C15orf40: variants seen among roughly 807,000 people sequenced by gnomAD.
The protein encoded by C15orf40 is chromosome 15 open reading frame 40, also known as UPF0235 protein C15orf40.
C15orf40 carries 9 observed loss-of-function variants against 13.9 expected under a neutral mutation model. The observed-to-expected ratio is 0.65, with a 90% CI of 0.39 to 1.13. C15orf40 has a LOEUF of 1.13. C15orf40 is among the 50% of genes most tolerant of loss of function. C15orf40 has a pLI of 0.01. For synonymous variants in C15orf40, 95 were observed against 69.2 expected, an observed-to-expected ratio of 1.37 and a Z score of -1.85; for missense variants, 225 against 188.5, an observed-to-expected ratio of 1.19 and a Z score of -1.13.
intron 3 of C15orf40, among the ~76,000 whole-genome samples, chr15:83,006,955 G>A (rs1003856913): frequency 6.6e-6 from 1 of 152,182 alleles, no homozygotes; most frequent in Non-Finnish European, 1.5e-5. Flanking sequence ...GCATTCAAAT[G>A]GATTTTTAGG....
chr15:83,009,125 T>C (rs2151291852), intron 2 of C15orf40, among the ~76,000 whole-genome samples: 1 of 152,336 alleles, frequency 6.6e-6, no homozygotes, highest in East Asian at 1.9e-4. Context: ...CGGACTAGGT[T>C]CACCTCTTAT....
downstream of C15orf40, chr15:82,991,824 G>A: frequency 8.4e-7 from 1 of 1,195,982 alleles, no homozygotes; most frequent in South Asian, 1.3e-5. Context: ...AGCCAGTGCT[G>A]TTATATAAAG....
chr15:83,009,797 C>A (rs1043142480), intron 2 of C15orf40, among the ~76,000 whole-genome samples: 5 of 152,194 alleles, frequency 3.3e-5, no homozygotes, highest in Non-Finnish European at 5.9e-5. Context: ...ATGTTTTATA[C>A]TGTTTTGATT....
At chr15:83,010,438 C>T in intron 1 of C15orf40, 75 bp from the exon 2 acceptor site, 1 of 1,549,616 alleles carries the variant, frequency 6.5e-7, no homozygotes, top group Admixed American at 1.7e-5. Context: ...TTCCACTACC[C>T]CCTTTCACCC....
At chr15:82,990,971 T>C (rs1350929262), downstream of C15orf40, 1 of 226,292 alleles carries the variant, frequency 4.4e-6, no homozygotes, top group East Asian at 8.7e-5. Flanking sequence ...TTCACAGAGA[T>C]CATTCTATTT....
chr15:82,993,205 TAATC>T (rs1271362815), downstream of C15orf40, among the ~76,000 whole-genome samples: 1 of 152,062 alleles, frequency 6.6e-6, no homozygotes, highest in Non-Finnish European at 1.5e-5. Flanking sequence ...TAAAAATAAA[TAATC>T]AAAGGAAGAA....
rs758473308 is a variant in C15orf40 at position 83,011,546 on chromosome 15, G to A, written c.62C>T (p.Ala21Val). The stretch of plus-strand genomic sequence containing the variant: ...AGGCATCTCGGCGCAAAGAAGCCGA[G>A]CGGAGCCCCGAGTATTGGGTGTTGC... ...LRATPNTRGS[A>V]RLLCAEMPKK... Residue 21 changes from alanine to valine, a missense_variant, in exon 1 of 4, where the codon GCT becomes GTT. Transcript: ENST00000304177. 2 of 1,606,596 alleles carry A rather than the reference G, an allele frequency of 1.2e-6. No individual in the cohort carries two copies. Among genetic ancestry groups the A allele is most frequent in the Middle Eastern group, 1.7e-4 (1 of 6,036 alleles).
Position 83,005,274 on chromosome 15 carries a change from A to G in C15orf40, c.*323T>C. On this transcript the variant is annotated 3_prime_UTR_variant, in exon 4 of 4. Coordinates refer to ENST00000304177, the MANE Select transcript of C15orf40 (RefSeq NM_144597.3). ...TTAGCAATAAAAAAGTTTCTCAAGG[A>G]TGTATTTTTTATTTCTTTTTTTTCG... is the stretch of plus-strand genomic sequence containing the variant. 1 of 1,007,132 alleles carries G rather than the reference A, an allele frequency of 9.9e-7. No homozygotes were observed. The highest frequency in any genetic ancestry group is 1.2e-6 in the Non-Finnish European group (1 of 839,412). The allele number at this position is 1,007,132 out of a possible 1,614,324, so 62.4% of individuals were successfully genotyped here.
In C15orf40 at chr15:83,008,551, A is replaced by G; in HGVS notation, c.363T>C (p.Asp121=). The G allele has an allele frequency of 6.2e-7, 1 of 1,613,024 alleles. No homozygotes were observed. Among genetic ancestry groups the G allele is most frequent in the Non-Finnish European group, 8.5e-7 (1 of 1,179,666 alleles). Reference sequence around the variant, plus strand: ...AAAAAAAGAGAGCGAGACCTACCTTATCCAAAACCACATCACTCTTCCTGA... The same window carrying G: ...AAAAAAAGAGAGCGAGACCTACCTTGTCCAAAACCACATCACTCTTCCTGA... The part of the protein sequence containing the change: ...LELRKSDVVL[D]KGGKSREKVV... Residue 121 remains aspartate, a synonymous_variant, in exon 3 of 4, where the codon GAT becomes GAC. Coordinates refer to ENST00000304177, the MANE Select transcript of C15orf40 (RefSeq NM_144597.3).
rs956008957 is a variant in C15orf40 at position 83,010,665 on chromosome 15, G to A, written c.112-302C>T. ...TTGTATTTCCAATTCCTTGGGGGCA[G>A]GGATCATTTATTATTCATCATTGTA... On this transcript the variant is annotated intron_variant, in intron 1 of 3. Coordinates refer to ENST00000304177, the MANE Select transcript of C15orf40 (RefSeq NM_144597.3). 4.3e-5 allele frequency: 12 copies of A among 278,668 alleles called. No individual in the cohort carries two copies. In the South Asian group the frequency reaches 4.6e-4, roughly 11 times the overall value. The allele number at this position is 278,668 out of a possible 1,614,324, so 17.3% of individuals were successfully genotyped here. A position where few individuals can be genotyped will look rare whatever the true frequency, so the allele number is the denominator to read the frequency against.
downstream of C15orf40, among the ~76,000 whole-genome samples, chr15:82,992,361 C>G (rs748479636): frequency 2.0e-5 from 3 of 151,956 alleles, no homozygotes; most frequent in African/African-American, 4.8e-5. Flanking sequence ...ATTAAAAATA[C>G]GAAAATTAGC....
At chr15:82,994,491 G>T (rs144638069), downstream of C15orf40, among the ~76,000 whole-genome samples, 417 of 152,156 alleles carry the variant, frequency 2.7e-3, no homozygotes, top group African/African-American at 9.8e-3. Context: ...GTAGACTGTT[G>T]ACTTCTTCTA....
chr15:82,992,092 T>A (rs1225122909), downstream of C15orf40: 4 of 405,602 alleles, frequency 9.9e-6, no homozygotes, highest in Non-Finnish European at 1.4e-5. Context: ...GGTGCACGCC[T>A]GTAGTCCTAG....
In C15orf40 at chr15:83,004,270, C is replaced by T; in HGVS notation, c.*1327G>A. On this transcript the variant is annotated 3_prime_UTR_variant, in exon 4 of 4. Coordinates refer to ENST00000304177, the MANE Select transcript of C15orf40 (RefSeq NM_144597.3). Reference sequence around the variant, plus strand: ...GGATTACAGGCGTGAGCCACCAAGCCCAGCTACCATCAGCAATTTTTATTA... The same window carrying T: ...GGATTACAGGCGTGAGCCACCAAGCTCAGCTACCATCAGCAATTTTTATTA... 2 of 973,304 alleles carry T rather than the reference C, an allele frequency of 2.1e-6. No individual in the cohort carries two copies. Among genetic ancestry groups the T allele is most frequent in the Non-Finnish European group, 2.4e-6 (2 of 818,922 alleles). The allele number at this position is 973,304 out of a possible 1,614,324, so 60.3% of individuals were successfully genotyped here.
In C15orf40 at chr15:83,000,677, T is replaced by A. The variant is rs1283827095; in HGVS notation, c.*4920A>T. ...GTTACATGCATTAAAACAATTTGAA[T>A]TTGGGGCCATGTGGGTTCTAAAATT... On this transcript the variant is annotated 3_prime_UTR_variant, in exon 4 of 4. Coordinates refer to ENST00000304177, the MANE Select transcript of C15orf40 (RefSeq NM_144597.3). The A allele has an allele frequency of 6.6e-6, 1 of 152,214 alleles. No individual in the cohort carries two copies. The highest frequency in any genetic ancestry group is 2.4e-5 in the African/African-American group (1 of 41,448). The allele number at this position is 152,214 out of a possible 1,614,324, so 9.4% of individuals were successfully genotyped here. A position where few individuals can be genotyped will look rare whatever the true frequency, so the allele number is the denominator to read the frequency against.
Position 83,004,577 on chromosome 15 carries a change from A to C in C15orf40, c.*1020T>G. 1 of 889,416 alleles carries C rather than the reference A, an allele frequency of 1.1e-6. No homozygotes were observed. The allele number at this position is 889,416 out of a possible 1,614,324, so 55.1% of individuals were successfully genotyped here. A position where few individuals can be genotyped will look rare whatever the true frequency, so the allele number is the denominator to read the frequency against. ...TTCTTTTAAGGATCTTTGGAGATTC[A>C]TAAAAACTACTGAATTTGCTGATTA... On this transcript the variant is annotated 3_prime_UTR_variant, in exon 4 of 4. Coordinates refer to ENST00000304177, the MANE Select transcript of C15orf40 (RefSeq NM_144597.3).
chr15:83,004,543 T>C lies in C15orf40; in HGVS notation c.*1054A>G, dbSNP rs1272885171. The C allele has an allele frequency of 2.3e-5, 19 of 825,876 alleles. No individual in the cohort carries two copies. The highest frequency in any genetic ancestry group is 6.2e-4 in the Middle Eastern group (1 of 1,614). 51.2% of individuals were successfully genotyped at this position (825,876 alleles called of 1,614,324 possible). The stretch of plus-strand genomic sequence containing the variant: ...ACAAATACTGAAAATAGCTTCCAAG[T>C]CCTCTTTCTTCTTTTAAGGATCTTT... On this transcript the variant is annotated 3_prime_UTR_variant, in exon 4 of 4. Coordinates refer to ENST00000304177, the MANE Select transcript of C15orf40 (RefSeq NM_144597.3).
rs935229150 is a variant in C15orf40, at chr15:82,995,964, T to C, written c.*9633A>G. The stretch of plus-strand genomic sequence containing the variant: ...TTAGGTGCAAGAAGGACAAGTCGCA[T>C]AATTTTCACCAGTGTCTTCATGGGC... On this transcript the variant is annotated 3_prime_UTR_variant, in exon 4 of 4. Transcript: ENST00000304177. The C allele has an allele frequency of 2.0e-5, 3 of 152,332 alleles. No homozygotes were observed. Among genetic ancestry groups the C allele is most frequent in the African/African-American group, 7.2e-5 (3 of 41,474 alleles). 9.4% of individuals were successfully genotyped at this position (152,332 alleles called of 1,614,324 possible).
Position 82,998,130 on chromosome 15 carries a change from C to CT in C15orf40, c.*7466_*7467insA. 7.8e-6 allele frequency: 1 copy of CT among 127,494 alleles called. No homozygotes were observed. Among genetic ancestry groups the CT allele is most frequent in the Non-Finnish European group, 1.7e-5 (1 of 58,480 alleles). 7.9% of individuals were successfully genotyped at this position (127,494 alleles called of 1,614,324 possible). On this transcript the variant is annotated 3_prime_UTR_variant, in exon 4 of 4. Coordinates refer to ENST00000304177, the MANE Select transcript of C15orf40 (RefSeq NM_144597.3). Reference sequence around the variant, plus strand: ...CAGTAGGGGCGGCCGGGCAGAGGCGCCCCTCACCTCCCGGACGGGGCGGCT... The same window carrying CT: ...CAGTAGGGGCGGCCGGGCAGAGGCGCTCCCTCACCTCCCGGACGGGGCGGCT...
Sources: allele counts gnomAD v4.1 joint callset (sites outside exome capture counted in the v4.1 genomes callset), GRCh38; gene constraint gnomAD v4.1.1; transcripts MANE v1.5; gene names NCBI Gene and HGNC (gene_info 2026-07-23, HGNC 2026-07-21).